The following RAB1B variants were observed in gnomAD, a reference collection of about 807,000 sequenced individuals.
RAB1B encodes ras-related protein Rab-1B.
Under a neutral mutation model 24.8 loss-of-function variants are expected in RAB1B, and 10 were observed. The observed-to-expected ratio is 0.40, with a 90% CI of 0.25 to 0.68. The LOEUF is 0.68. RAB1B is among the 30% of genes least tolerant of loss of function. RAB1B has a pLI of 0.37. For missense variants in RAB1B, 154 were observed against 271.2 expected (o/e 0.57, Z 3.04); for synonymous variants, 99 against 111.7 (o/e 0.89, Z 0.72).
chr11:66,271,925 G>A (rs1317795356), intron 2 of RAB1B, 56 bp downstream of exon 2: 11 of 1,410,906 alleles, frequency 7.8e-6, no homozygotes, highest in Non-Finnish European at 1.1e-5. Context: ...CAGCTGGGGG[G>A]AGAAGGGACA....
intron 4 of RAB1B, 66 bp downstream of exon 4, chr11:66,272,526 C>A: frequency 9.7e-7 from 1 of 1,026,634 alleles, no homozygotes; most frequent in Non-Finnish European, 1.4e-6. Context: ...CTTCTTTTTC[C>A]TCCTTCCATC....
At chr11:66,275,445 A>G (rs1228050401) in intron 4 of RAB1B, among the ~76,000 whole-genome samples, 5 of 151,836 alleles carry the variant, frequency 3.3e-5, no homozygotes, top group Non-Finnish European at 1.5e-5. Flanking sequence ...CGGACCCGTT[A>G]CTCTCTGTTC....
At chr11:66,272,659 G>T in intron 4 of RAB1B, 199 bp downstream of exon 4, 1 of 435,524 alleles carries the variant, frequency 2.3e-6, no homozygotes, top group South Asian at 4.1e-5. Context: ...AACAGCCACA[G>T]AAATGGATCC....
chr11:66,275,940 C>T lies in RAB1B; in HGVS notation c.411+5C>T, dbSNP rs756748448. On this transcript the variant is annotated splice_donor_5th_base_variant and intron_variant, in intron 5 of 5. Transcript: ENST00000311481. The stretch of plus-strand genomic sequence containing the variant: ...GTGGACAACACCACAGCCAAGGTAG[C>T]AGACGGGCCGGTCTGCCCGGGGTCG... 1.2e-6 allele frequency: 2 copies of T among 1,611,308 alleles called. No individual in the cohort carries two copies. Among genetic ancestry groups the T allele is most frequent in the African/African-American group, 2.7e-5 (2 of 74,920 alleles).
intron 1 of RAB1B, 128 bp downstream of exon 1, chr11:66,268,821 G>GACCCC: frequency 2.0e-6 from 1 of 502,138 alleles, no homozygotes; most frequent in Non-Finnish European, 2.6e-6. Context: ...CTCTTCCGCT[G>GACCCC]ACCCCCCCCC....
intron 1 of RAB1B, among the ~76,000 whole-genome samples, chr11:66,269,441 A>G (rs931656170): frequency 1.3e-5 from 2 of 151,524 alleles, no homozygotes; most frequent in Non-Finnish European, 2.9e-5. Flanking sequence ...AACTCTCCTC[A>G]CTCTTGGTCA....
At position 66,268,642 on chromosome 11, in the gene RAB1B, G is replaced by A. The variant is rs1262124730; in HGVS notation, c.-38G>A. The stretch of plus-strand genomic sequence containing the variant: ...ATCTTGGAACGGGAGGCGGAGCAGA[G>A]TCGACTGGGAGCGACCGAGCGGGCC... On this transcript the variant is annotated 5_prime_UTR_variant, in exon 1 of 6. Transcript: ENST00000311481. 4 of 1,556,082 alleles carry A rather than the reference G, an allele frequency of 2.6e-6. No homozygotes were observed. Among genetic ancestry groups the A allele is most frequent in the Admixed American group, 4.0e-5 (2 of 50,124 alleles).
At chr11:66,271,586 C>G (rs1857058179) in intron 1 of RAB1B, 1 of 411,936 alleles carries the variant, frequency 2.4e-6, no homozygotes, top group Non-Finnish European at 4.4e-6. Context: ...GGGAAGATCA[C>G]TTTGAGCCCG....
At chr11:66,268,773 C>A in intron 1 of RAB1B, 80 bp downstream of exon 1, 20 of 1,455,880 alleles carry the variant, frequency 1.4e-5, no homozygotes, top group Non-Finnish European at 1.7e-5. Context: ...GTTGTCTGGC[C>A]CGGGTCAGGA....
At chr11:66,269,063 T>C (rs1208283674) in intron 1 of RAB1B, among the ~76,000 whole-genome samples, 1 of 152,058 alleles carries the variant, frequency 6.6e-6, no homozygotes, top group Non-Finnish European at 1.5e-5. Flanking sequence ...CCCGTCTTGA[T>C]AGTTTCTGGT....
chr11:66,276,593 C>G lies in RAB1B; in HGVS notation c.*355C>G. 1 of 224,384 alleles carries G rather than the reference C, an allele frequency of 4.5e-6. No individual in the cohort carries two copies. Among genetic ancestry groups the G allele is most frequent in the Non-Finnish European group, 8.6e-6 (1 of 115,808 alleles). The allele number at this position is 224,384 out of a possible 1,614,324, so 13.9% of individuals were successfully genotyped here. On this transcript the variant is annotated 3_prime_UTR_variant, in exon 6 of 6. Coordinates refer to ENST00000311481, the MANE Select transcript of RAB1B (RefSeq NM_030981.3). Reference sequence around the variant, plus strand: ...TGCTGCACTGGGTTCTCTCCTTCTTCTTCCTGCTGTCCTGCCCAAGAACTG... The same window carrying G: ...TGCTGCACTGGGTTCTCTCCTTCTTGTTCCTGCTGTCCTGCCCAAGAACTG...
intron 4 of RAB1B, among the ~76,000 whole-genome samples, chr11:66,273,506 A>G (rs1310875313): frequency 1.3e-5 from 2 of 152,026 alleles, no homozygotes; most frequent in Admixed American, 6.5e-5. Context: ...TCGATTCTCT[A>G]TTGTCAGTGT....
At chr11:66,268,772 C>T (rs1419794222) in intron 1 of RAB1B, 79 bp downstream of exon 1, 19 of 1,458,988 alleles carry the variant, frequency 1.3e-5, no homozygotes, top group Non-Finnish European at 1.6e-5. Context: ...GGTTGTCTGG[C>T]CCGGGTCAGG....
At chr11:66,268,810 C>G in intron 1 of RAB1B, 117 bp downstream of exon 1, 1 of 1,062,296 alleles carries the variant, frequency 9.4e-7, no homozygotes, top group Non-Finnish European at 1.2e-6. Flanking sequence ...CATCCGGGTC[C>G]CTCTTCCGCT....
At chr11:66,272,533 C>T in intron 4 of RAB1B, 73 bp downstream of exon 4, 1 of 997,330 alleles carries the variant, frequency 1.0e-6, no homozygotes, top group South Asian at 1.6e-5. Flanking sequence ...TTCCTCCTTC[C>T]ATCCTCTCTT....
intron 4 of RAB1B, among the ~76,000 whole-genome samples, chr11:66,273,059 G>A (rs1195529093): frequency 1.3e-5 from 2 of 152,256 alleles, no homozygotes; most frequent in East Asian, 1.9e-4. Context: ...GAAGAGGTCT[G>A]TGTTCCCATC....
rs763380632 is a variant in RAB1B at position 66,268,643 on chromosome 11, T to G, written c.-37T>G. Reference sequence around the variant, plus strand: ...TCTTGGAACGGGAGGCGGAGCAGAGTCGACTGGGAGCGACCGAGCGGGCCG... The same window carrying G: ...TCTTGGAACGGGAGGCGGAGCAGAGGCGACTGGGAGCGACCGAGCGGGCCG... On this transcript the variant is annotated 5_prime_UTR_variant, in exon 1 of 6. Coordinates refer to ENST00000311481, the MANE Select transcript of RAB1B (RefSeq NM_030981.3). 3.9e-6 allele frequency: 6 copies of G among 1,554,116 alleles called. No homozygotes were observed. The South Asian group carries it at 7.2e-5, about 19-fold the overall frequency.
At chr11:66,271,971 G>A in intron 2 of RAB1B, 102 bp downstream of exon 2, 6 of 1,078,610 alleles carry the variant, frequency 5.6e-6, no homozygotes, top group Non-Finnish European at 8.6e-6. Context: ...CTGGGAACCA[G>A]GGGTGAAGCT....
intron 4 of RAB1B, among the ~76,000 whole-genome samples, chr11:66,273,540 T>A (rs780418917): frequency 6.6e-6 from 1 of 152,220 alleles, no homozygotes; most frequent in Non-Finnish European, 1.5e-5. Flanking sequence ...TGTCCAGTGC[T>A]GCCTCCCATC....
Sources: allele counts gnomAD v4.1 joint callset (sites outside exome capture counted in the v4.1 genomes callset), GRCh38; gene constraint gnomAD v4.1.1; transcripts MANE v1.5; gene names NCBI Gene and HGNC (gene_info 2026-07-23, HGNC 2026-07-21).